TMEM132C: variants seen among roughly 807,000 people sequenced by gnomAD.
TMEM132C encodes the protein protein phosphatase 1, regulatory subunit 152.
In TMEM132C, 29 loss-of-function variants were observed where a neutral mutation model predicts 61.4. That is an observed-to-expected ratio of 0.47 (90% CI 0.35 to 0.64). The LOEUF is 0.64. TMEM132C is among the 30% of genes least tolerant of loss of function. The pLI is 0.00. For synonymous variants in TMEM132C, 656 were observed against 633.1 expected (o/e 1.04, Z -0.54); for missense variants, 1,408 against 1,476.9 (o/e 0.95, Z 0.76).
Position 128,677,897 on chromosome 12 carries a change from C to T in TMEM132C, c.1449+8337C>T, listed in dbSNP as rs1954605433. Among the ~76,000 whole-genome samples, 3 of 152,368 alleles carry T rather than the reference C, an allele frequency of 2.0e-5. No homozygotes were observed. The South Asian group carries it at 6.2e-4, about 32-fold the overall frequency. Reference sequence around the variant, plus strand: ...AGCAGGCCTGGCTTTTCCCCAGTGACCAAAGGTGCCTGCGTTAGCTCCGGC... The same window carrying T: ...AGCAGGCCTGGCTTTTCCCCAGTGATCAAAGGTGCCTGCGTTAGCTCCGGC... On this transcript the variant is annotated intron_variant, in intron 5 of 8. Coordinates refer to ENST00000435159, the MANE Select transcript of TMEM132C (RefSeq NM_001136103.3).
At chr12:128,307,906 G>A (rs767007800) in intron 1 of TMEM132C, among the ~76,000 whole-genome samples, 8 of 152,212 alleles carry the variant, frequency 5.3e-5, no homozygotes, top group Non-Finnish European at 1.2e-4. Context: ...CTTTAGGGGA[G>A]CTGCCCCTCC....
rs1954832718 is a variant in TMEM132C at position 128,705,621 on chromosome 12, C to A, written c.2653C>A (p.Leu885Met). Residue 885 changes from leucine (L) to methionine (M), a missense_variant, in exon 9 of 9, where the codon CTG becomes ATG. By Grantham distance (15) the Leu-to-Met change is conservative. Transcript: ENST00000435159. ...DGGRLAGEGQ[L>M]QNIPIDFTNF... ...GGGCAGGCTGGCAGGAGAGGGGCAG[C>A]TGCAGAACATCCCCATTGACTTCAC... 6.4e-7 allele frequency: 1 copy of A among 1,550,948 alleles called. No homozygotes were observed. Among genetic ancestry groups the A allele is most frequent in the Non-Finnish European group, 8.7e-7 (1 of 1,146,984 alleles).
chr12:128,422,578 G>A (rs1315710021), intron 2 of TMEM132C, among the ~76,000 whole-genome samples: 1 of 152,156 alleles, frequency 6.6e-6, no homozygotes, highest in Admixed American at 6.6e-5. Context: ...ACTCCTGACT[G>A]GGAGATTATA....
intron 1 of TMEM132C, among the ~76,000 whole-genome samples, chr12:128,329,356 CA>C (rs1872612211): frequency 6.6e-6 from 1 of 151,980 alleles, no homozygotes; most frequent in South Asian, 2.1e-4. Flanking sequence ...GAAGGAAAAG[CA>C]GTTGGAAGGC....
At chr12:128,461,869 C>T (rs1443975281) in intron 2 of TMEM132C, among the ~76,000 whole-genome samples, 2 of 152,152 alleles carry the variant, frequency 1.3e-5, no homozygotes, top group Admixed American at 1.3e-4. Flanking sequence ...GAGTTCCTAA[C>T]CTAGGACCTG....
At chr12:128,423,575 G>T (rs1315151948) in intron 2 of TMEM132C, among the ~76,000 whole-genome samples, 1 of 152,194 alleles carries the variant, frequency 6.6e-6, no homozygotes, top group East Asian at 1.9e-4. Flanking sequence ...TGTATGTCAA[G>T]GAAATTCAGG....
chr12:128,631,784 A>G (rs1294922692), intron 4 of TMEM132C, among the ~76,000 whole-genome samples: 1 of 152,104 alleles, frequency 6.6e-6, no homozygotes, highest in African/African-American at 2.4e-5. Context: ...AGTTTCCCAA[A>G]GGTAGTTCCT....
chr12:128,573,973 GT>G (rs1219710821), intron 3 of TMEM132C, among the ~76,000 whole-genome samples: 3 of 151,772 alleles, frequency 2.0e-5, no homozygotes, highest in African/African-American at 7.3e-5. Flanking sequence ...GAGTGGAGAG[GT>G]TTCCCCAAGG....
chr12:128,427,230 A>C (rs1021312112), intron 2 of TMEM132C, among the ~76,000 whole-genome samples: 2 of 152,180 alleles, frequency 1.3e-5, no homozygotes, highest in Non-Finnish European at 2.9e-5. Context: ...GGAAAAAAAC[A>C]GGCATCCCTA....
chr12:128,338,933 G>C (rs138699159), intron 1 of TMEM132C, among the ~76,000 whole-genome samples: 1 of 151,990 alleles, frequency 6.6e-6, no homozygotes, highest in Non-Finnish European at 1.5e-5. Context: ...TTGTAAAGAC[G>C]TTGGGTTGGC....
At chr12:128,412,334 C>T (rs778728044) in intron 1 of TMEM132C, among the ~76,000 whole-genome samples, 1 of 152,186 alleles carries the variant, frequency 6.6e-6, no homozygotes, top group Non-Finnish European at 1.5e-5. Context: ...GCCTGGTTCT[C>T]ACCCAATCCC....
At chr12:128,448,378 C>T (rs982111916) in intron 2 of TMEM132C, among the ~76,000 whole-genome samples, 5 of 152,194 alleles carry the variant, frequency 3.3e-5, no homozygotes, top group African/African-American at 9.7e-5. Flanking sequence ...TGGCCGGGCT[C>T]ACTCATTTGT....
At chr12:128,663,416 T>C (rs1954413832) in intron 4 of TMEM132C, among the ~76,000 whole-genome samples, 1 of 152,200 alleles carries the variant, frequency 6.6e-6, no homozygotes, top group Non-Finnish European at 1.5e-5. Flanking sequence ...CATGCATGCA[T>C]TCCTTTTTGT....
At chr12:128,328,417 G>A (rs1872585962) in intron 1 of TMEM132C, among the ~76,000 whole-genome samples, 1 of 152,106 alleles carries the variant, frequency 6.6e-6, no homozygotes, top group Non-Finnish European at 1.5e-5. Context: ...TCAAACAGAG[G>A]GCAGGATGCT....
chr12:128,370,871 T>C (rs942101216), intron 1 of TMEM132C, among the ~76,000 whole-genome samples: 1 of 152,096 alleles, frequency 6.6e-6, no homozygotes, highest in Admixed American at 6.5e-5. Context: ...ACCAGAATAA[T>C]AGCAGCTACC....
At chr12:128,422,654 A>G (rs534247877) in intron 2 of TMEM132C, among the ~76,000 whole-genome samples, 18 of 152,306 alleles carry the variant, frequency 1.2e-4, no homozygotes, top group African/African-American at 4.1e-4. Flanking sequence ...CGCAGTGAAG[A>G]GAGATGCTTA....
At chr12:128,390,809 T>C (rs567564036) in intron 1 of TMEM132C, among the ~76,000 whole-genome samples, 3 of 152,122 alleles carry the variant, frequency 2.0e-5, no homozygotes, top group Admixed American at 6.5e-5. Context: ...GCTGTGGCGC[T>C]GTCCAGGTGA....
intron 1 of TMEM132C, among the ~76,000 whole-genome samples, chr12:128,327,423 C>G (rs75084974): frequency 6.7e-6 from 1 of 149,544 alleles, no homozygotes; most frequent in Admixed American, 6.6e-5. Flanking sequence ...CACACTTTCA[C>G]CCAGGCTGGA....
intron 1 of TMEM132C, among the ~76,000 whole-genome samples, chr12:128,409,163 A>T (rs1704007925): frequency 6.6e-6 from 1 of 152,214 alleles, no homozygotes; most frequent in Admixed American, 6.5e-5. Flanking sequence ...GCAAGTTCTT[A>T]GCCGTGCCCT....
Sources: allele counts gnomAD v4.1 joint callset (sites outside exome capture counted in the v4.1 genomes callset), GRCh38; gene constraint gnomAD v4.1.1; transcripts MANE v1.5; gene names NCBI Gene and HGNC (gene_info 2026-07-23, HGNC 2026-07-21).